The following ARVCF variants were observed in gnomAD, a reference collection of about 807,000 sequenced individuals.
ARVCF encodes the protein splicing regulator ARVCF.
In ARVCF, 66 loss-of-function variants were observed where a neutral mutation model predicts 90.9. The observed-to-expected ratio is 0.73, with a 90% CI of 0.60 to 0.89. The LOEUF (loss-of-function observed/expected upper bound fraction) is 0.89, where lower values mean the gene tolerates loss of function less well. ARVCF is among the 40% of genes least tolerant of loss of function. ARVCF has a pLI of 0.00. For missense variants in ARVCF, 1,469 were observed against 1,382.3 expected, an observed-to-expected ratio of 1.06 and a Z score of -1.00; for synonymous variants, 653 against 603.4, an observed-to-expected ratio of 1.08 and a Z score of -1.21.
At chr22:19,976,062 G>C (rs1319533209) in intron 10 of ARVCF, among the ~76,000 whole-genome samples, 1 of 152,142 alleles carries the variant, frequency 6.6e-6, no homozygotes, top group East Asian at 1.9e-4. Context: ...CAGGTATGTA[G>C]ACTGAGGGAA....
chr22:19,982,346 A>T (rs1008717409), intron 3 of ARVCF, among the ~76,000 whole-genome samples: 6 of 152,006 alleles, frequency 3.9e-5, no homozygotes, highest in African/African-American at 1.4e-4. Context: ...CTGGGGCTGG[A>T]CCCCCATCTC....
At position 20,008,251 on chromosome 22, in the gene ARVCF, G is replaced by A. The variant is rs116595545; in HGVS notation, c.-19+2204C>T. On this transcript the variant is annotated intron_variant, in intron 2 of 19. Coordinates refer to ENST00000263207, the MANE Select transcript of ARVCF (RefSeq NM_001670.3). ...GAGACGAAGCCGCAACCCCCTGCAG[G>A]CACACGGCGGCTGATGGAGGAGGCC... Among the ~76,000 whole-genome samples, 860 of 152,316 alleles carry A rather than the reference G, an allele frequency of 5.6e-3. 6 individuals are homozygous for A. The highest frequency in any genetic ancestry group is 0.01 in the Middle Eastern group (3 of 294).
chr22:20,012,308 G>C (rs1314929581), intron 1 of ARVCF, among the ~76,000 whole-genome samples: 2 of 152,206 alleles, frequency 1.3e-5, no homozygotes, highest in African/African-American at 4.8e-5. Flanking sequence ...GGTAGGAGCA[G>C]CCAGAGCTGT....
At chr22:19,971,472 G>T in intron 18 of ARVCF, 137 bp from the exon 19 acceptor site, 1 of 1,102,232 alleles carries the variant, frequency 9.1e-7, no homozygotes, top group Non-Finnish European at 1.3e-6. Flanking sequence ...CACCAAGGGC[G>T]CAGGGAGCCG....
chr22:19,974,478 T>A (rs1273585432), intron 11 of ARVCF, among the ~76,000 whole-genome samples: 1 of 151,962 alleles, frequency 6.6e-6, no homozygotes, highest in Non-Finnish European at 1.5e-5. Flanking sequence ...AGCAGGAGCA[T>A]CCAGGAGGCC....
chr22:19,971,375 G>A, intron 18 of ARVCF, 40 bp from the exon 19 acceptor site: 4 of 1,533,806 alleles, frequency 2.6e-6, no homozygotes, highest in Non-Finnish European at 3.5e-6. Context: ...CAATAGAGCA[G>A]GTTAGTTAGA....
chr22:19,969,258 G>A (rs165599), downstream of ARVCF: 86,532 of 154,512 alleles, frequency 0.56, 26,317 homozygotes, highest in Non-Finnish European at 0.69. Context: ...GACGACTGCC[G>A]GCCTGGGAAA....
intron 1 of ARVCF, among the ~76,000 whole-genome samples, chr22:20,015,323 T>A (rs1462346055): frequency 6.6e-6 from 1 of 152,002 alleles, no homozygotes. Flanking sequence ...GCGGATAGGA[T>A]GGGGCAAGAC....
intron 1 of ARVCF, among the ~76,000 whole-genome samples, chr22:20,013,039 G>A (rs905150950): frequency 2.0e-5 from 3 of 152,252 alleles, no homozygotes; most frequent in Non-Finnish European, 4.4e-5. Context: ...CCTGCTCTAT[G>A]AGCGCGAGGT....
At chr22:19,968,910 C>CT (rs14968), downstream of ARVCF, 20 of 624,560 alleles carry the variant, frequency 3.2e-5, no homozygotes, top group East Asian at 1.1e-4. Context: ...CTGGATTGTT[C>CT]TTTTTTAAGA....
intron 3 of ARVCF, among the ~76,000 whole-genome samples, chr22:19,984,602 G>A (rs944000845): frequency 3.3e-5 from 5 of 152,126 alleles, no homozygotes; most frequent in Admixed American, 6.5e-5. Context: ...CCTCAGACAG[G>A]GACACATGCA....
In ARVCF at chr22:19,977,938, C is replaced by A. The variant is rs759085070; in HGVS notation, c.1698+20G>T. The A allele has an allele frequency of 6.3e-7, 1 of 1,589,252 alleles. No homozygotes were observed. The highest frequency in any genetic ancestry group is 1.1e-5 in the South Asian group (1 of 87,526). On this transcript the variant is annotated intron_variant, in intron 8 of 19. Coordinates refer to ENST00000263207, the MANE Select transcript of ARVCF (RefSeq NM_001670.3). ...CGTCTCTCCAGCCCTTGGTATGAGG[C>A]TGTGACCGTCCCTGCCCACCTTGTT...
At position 19,972,815 on chromosome 22, in the gene ARVCF, T is replaced by C. The variant is rs564690939; in HGVS notation, c.2563A>G (p.Thr855Ala). ...AGTGCTCCCTTAGGCCCCTTGGCAG[T>C]AGCAGCAGCTGACTGAGACATAAAA... ...TKARFQSAAATAKGPKGALSP... is the reference protein window; with the variant it reads ...TKARFQSAAAAAKGPKGALSP... The change falls in exon 16 of 20, where the codon ACT becomes GCT. Residue 855 changes from threonine (T) to alanine (A), a missense_variant. Coordinates refer to ENST00000263207, the MANE Select transcript of ARVCF (RefSeq NM_001670.3). The C allele has an allele frequency of 2.5e-6, 4 of 1,613,406 alleles. No homozygotes were observed. In the South Asian group the frequency reaches 4.4e-5, roughly 18 times the overall value.
At chr22:19,984,409 G>C (rs370208192) in intron 3 of ARVCF, among the ~76,000 whole-genome samples, 1 of 152,078 alleles carries the variant, frequency 6.6e-6, no homozygotes, top group Non-Finnish European at 1.5e-5. Context: ...CATCAGCCCC[G>C]GCCTAGCAGC....
At chr22:19,965,809 G>C (rs924576805), downstream of ARVCF, among the ~76,000 whole-genome samples, 4 of 152,140 alleles carry the variant, frequency 2.6e-5, no homozygotes, top group African/African-American at 9.7e-5. Flanking sequence ...GTGGCCAAGG[G>C]GGTGGGCATT....
chr22:19,982,213 C>A, intron 3 of ARVCF, 122 bp from the exon 4 acceptor site: 1 of 1,392,556 alleles, frequency 7.2e-7, no homozygotes. Flanking sequence ...TGCCTTCCTC[C>A]TGGTCCTGAA....
At position 20,016,627 on chromosome 22, in the gene ARVCF, G is replaced by A. The variant is rs929897376; in HGVS notation, c.-111C>T. On this transcript the variant is annotated 5_prime_UTR_variant, in exon 1 of 20. Transcript: ENST00000263207. ...TGGGCGGCCCCGCAGCGCGGCCTCGGACCCCAGAAGGGCTTCCCCGGGTCC... is the reference window on the plus strand; with the variant it reads ...TGGGCGGCCCCGCAGCGCGGCCTCGAACCCCAGAAGGGCTTCCCCGGGTCC... 6.6e-6 allele frequency: 1 copy of A among 151,016 alleles called. No homozygotes were observed. The highest frequency in any genetic ancestry group is 1.5e-5 in the Non-Finnish European group (1 of 67,642). 9.4% of individuals were successfully genotyped at this position (151,016 alleles called of 1,614,324 possible).
At chr22:20,011,691 T>C (rs1021408789) in intron 1 of ARVCF, among the ~76,000 whole-genome samples, 4 of 152,136 alleles carry the variant, frequency 2.6e-5, no homozygotes, top group African/African-American at 7.2e-5. Flanking sequence ...GCAGGCCCGG[T>C]TGGGAGCCCA....
rs138475748 is a variant in ARVCF at position 20,005,563 on chromosome 22, T to C, written c.-19+4892A>G. Among the ~76,000 whole-genome samples the C allele has an allele frequency of 9.8e-4, 150 of 152,304 alleles. 1 individual carries two copies. Among genetic ancestry groups the C allele is most frequent in the African/African-American group, 3.4e-3 (141 of 41,560 alleles). Reference sequence around the variant, plus strand: ...GGCCAGGCGTGGTGGCTCACGCCTGTAATCCCAACACTTTGGGAGGCCGAG... The same window carrying C: ...GGCCAGGCGTGGTGGCTCACGCCTGCAATCCCAACACTTTGGGAGGCCGAG... On this transcript the variant is annotated intron_variant, in intron 2 of 19. Transcript: ENST00000263207.
Sources: gnomAD v4.1 joint callset for allele counts (sites outside exome capture counted in the v4.1 genomes callset) on GRCh38, gnomAD v4.1.1 for gene constraint, MANE v1.5 for transcripts, NCBI Gene and HGNC (gene_info 2026-07-23, HGNC 2026-07-21) for gene names.